The following DSCAM variants were observed in gnomAD, a reference collection of about 807,000 sequenced individuals.
DSCAM encodes the protein DS cell adhesion molecule.
Under a neutral mutation model 217.7 loss-of-function variants are expected in DSCAM, and 47 were observed. That is an observed-to-expected ratio of 0.22 (90% CI 0.17 to 0.28). The LOEUF (loss-of-function observed/expected upper bound fraction) is 0.28, where lower values mean the gene tolerates loss of function less well. DSCAM is among the 10% of genes least tolerant of loss of function. The pLI is 1.00. For synonymous variants in DSCAM, 1,056 were observed against 1,015.3 expected (o/e 1.04, Z -0.76); for missense variants, 2,080 against 2,618.3 (o/e 0.79, Z 4.49).
intron 3 of DSCAM, among the ~76,000 whole-genome samples, chr21:40,410,843 TGCAC>T (rs2075316413): frequency 6.6e-6 from 1 of 151,896 alleles, no homozygotes; most frequent in Admixed American, 6.6e-5. Context: ...CCCACAGACC[TGCAC>T]TAAACTGCTC....
intron 19 of DSCAM, among the ~76,000 whole-genome samples, chr21:40,132,327 C>T (rs964501372): frequency 1.3e-5 from 2 of 152,166 alleles, no homozygotes; most frequent in Admixed American, 1.3e-4. Context: ...TGCCCAAAGA[C>T]CCACGGGCAG....
chr21:40,815,698 T>C (rs1377030551), intron 1 of DSCAM, among the ~76,000 whole-genome samples: 1 of 152,174 alleles, frequency 6.6e-6, no homozygotes, highest in Non-Finnish European at 1.5e-5. Flanking sequence ...TTTTGTGAGG[T>C]AGACAGGATG....
At chr21:40,376,189 CG>C (rs1382951315) in intron 3 of DSCAM, among the ~76,000 whole-genome samples, 5 of 152,042 alleles carry the variant, frequency 3.3e-5, no homozygotes, top group African/African-American at 1.2e-4. Flanking sequence ...AGCACAAGCA[CG>C]ATGAAGCTTT....
intron 1 of DSCAM, among the ~76,000 whole-genome samples, chr21:40,737,256 A>G (rs1435072128): frequency 6.6e-6 from 1 of 152,238 alleles, no homozygotes; most frequent in Non-Finnish European, 1.5e-5. Context: ...ATAGGATCAC[A>G]AGTGTATATA....
intron 16 of DSCAM, among the ~76,000 whole-genome samples, chr21:40,148,319 C>T (rs1174783035): frequency 1.3e-5 from 2 of 151,768 alleles, no homozygotes; most frequent in Non-Finnish European, 2.9e-5. Context: ...GCTTGCAGGT[C>T]CCCAAACTAT....
At chr21:40,558,245 G>C (rs746490153) in intron 3 of DSCAM, among the ~76,000 whole-genome samples, 34 of 152,048 alleles carry the variant, frequency 2.2e-4, no homozygotes, top group Non-Finnish European at 2.2e-4. Context: ...AGGAGATCGA[G>C]ACCATCCTGG....
chr21:40,741,744 G>A (rs2091126270), intron 1 of DSCAM, among the ~76,000 whole-genome samples: 1 of 152,244 alleles, frequency 6.6e-6, no homozygotes, highest in South Asian at 2.1e-4. Flanking sequence ...CAGAATGTCT[G>A]TCAATAGGAT....
chr21:40,558,684 TTC>T, intron 3 of DSCAM, among the ~76,000 whole-genome samples: 1 of 152,354 alleles, frequency 6.6e-6, no homozygotes, highest in African/African-American at 2.4e-5. Flanking sequence ...AGATACACTT[TTC>T]TTTTTTACAC....
chr21:40,431,151 A>AT (rs1372672846), intron 3 of DSCAM, among the ~76,000 whole-genome samples: 1 of 152,220 alleles, frequency 6.6e-6, no homozygotes, highest in South Asian at 2.1e-4. Flanking sequence ...TTATGCAAAG[A>AT]TTTTCAGAAA....
intron 3 of DSCAM, chr21:40,615,580 T>C (rs2089382711): frequency 6.6e-6 from 1 of 152,192 alleles, no homozygotes; most frequent in Non-Finnish European, 1.5e-5. Flanking sequence ...TCTTTCATTA[T>C]TTTGAGTGGT....
chr21:40,087,030 C>G, intron 22 of DSCAM, 140 bp downstream of exon 22: 1 of 666,548 alleles, frequency 1.5e-6, no homozygotes. Flanking sequence ...CTGCCCTCAT[C>G]TCAGAAGAAT....
intron 32 of DSCAM, among the ~76,000 whole-genome samples, chr21:40,023,247 C>T (rs1389499736): frequency 2.6e-5 from 4 of 152,046 alleles, no homozygotes. Context: ...GTATATGTGC[C>T]ACATTTTCTT....
intron 32 of DSCAM, among the ~76,000 whole-genome samples, chr21:40,031,192 G>A (rs557967930): frequency 2.8e-4 from 43 of 152,128 alleles, no homozygotes; most frequent in Non-Finnish European, 5.0e-4. Context: ...CCAGTTCCTC[G>A]AGAGGTGGAA....
intron 3 of DSCAM, among the ~76,000 whole-genome samples, chr21:40,507,931 C>T (rs977720569): frequency 2.6e-5 from 4 of 152,152 alleles, no homozygotes; most frequent in African/African-American, 9.7e-5. Context: ...CTGAACTGCT[C>T]TCCTAGAGCA....
At chr21:40,840,956 C>T (rs1161308709) in intron 1 of DSCAM, among the ~76,000 whole-genome samples, 3 of 152,170 alleles carry the variant, frequency 2.0e-5, no homozygotes, top group Non-Finnish European at 4.4e-5. Context: ...CTACTCCATA[C>T]CATGTGCTCT....
In DSCAM at chr21:40,271,729, TG is replaced by T. The variant is rs553019630; in HGVS notation, c.2356+4367del. Among the ~76,000 whole-genome samples, 240 of 152,318 alleles carry T rather than the reference TG, an allele frequency of 1.6e-3. 1 individual carries two copies. The highest frequency in any genetic ancestry group is 5.6e-3 in the African/African-American group (233 of 41,580). On this transcript the variant is annotated intron_variant, in intron 11 of 32. Coordinates refer to ENST00000400454, the MANE Select transcript of DSCAM (RefSeq NM_001389.5). Reference sequence around the variant, plus strand: ...CATATTTTGCCCACAAGGAAATTCCTGGTGAGCTGTTAAAGCTTCCCCATGG... The same window carrying T: ...CATATTTTGCCCACAAGGAAATTCCTGTGAGCTGTTAAAGCTTCCCCATGG...
chr21:40,219,543 T>C (rs2091272400), intron 11 of DSCAM, among the ~76,000 whole-genome samples: 1 of 152,246 alleles, frequency 6.6e-6, no homozygotes, highest in South Asian at 2.1e-4. Context: ...TGACTCTTTC[T>C]ACATAAATAT....
At chr21:40,299,629 A>G (rs1329938744) in intron 9 of DSCAM, among the ~76,000 whole-genome samples, 1 of 152,118 alleles carries the variant, frequency 6.6e-6, no homozygotes, top group Admixed American at 6.5e-5. Flanking sequence ...GGTTGTCATC[A>G]CTTTGAGACA....
intron 1 of DSCAM, among the ~76,000 whole-genome samples, chr21:40,793,840 A>C (rs2123473605): frequency 6.6e-6 from 1 of 152,282 alleles, no homozygotes; most frequent in Non-Finnish European, 1.5e-5. Context: ...AGAATGAAGC[A>C]TTTTGTCTGG....
Sources: gnomAD v4.1 joint callset for allele counts (sites outside exome capture counted in the v4.1 genomes callset) on GRCh38, gnomAD v4.1.1 for gene constraint, MANE v1.5 for transcripts, NCBI Gene and HGNC (gene_info 2026-07-23, HGNC 2026-07-21) for gene names.